The following SPOCK1 variants were observed in gnomAD, a reference collection of about 807,000 sequenced individuals.
The protein encoded by SPOCK1 is testican-1.
SPOCK1 carries 23 observed loss-of-function variants against 55.3 expected under a neutral mutation model. The observed-to-expected ratio is 0.42, with a 90% CI of 0.30 to 0.59. The LOEUF is 0.59. SPOCK1 is among the 20% of genes least tolerant of loss of function. The probability of loss-of-function intolerance (pLI) is 0.22; values close to 1 mark genes in which losing one functional copy is unlikely to be tolerated. For missense variants in SPOCK1, 499 were observed against 552.5 expected (o/e 0.90, Z 0.97); for synonymous variants, 226 against 221.0 (o/e 1.02, Z -0.20).
chr5:137,303,155 A>C (rs544498726), intron 2 of SPOCK1, among the ~76,000 whole-genome samples: 1 of 152,274 alleles, frequency 6.6e-6, no homozygotes, highest in African/African-American at 2.4e-5. Context: ...TATTGTACAA[A>C]GAGGCAAGCA....
intron 3 of SPOCK1, among the ~76,000 whole-genome samples, chr5:137,180,889 G>A (rs1246485444): frequency 1.3e-5 from 2 of 152,166 alleles, no homozygotes; most frequent in Admixed American, 6.5e-5. Flanking sequence ...AAAATGAAAT[G>A]ATGGGTGATA....
chr5:137,230,969 C>T (rs1402176411), intron 3 of SPOCK1, among the ~76,000 whole-genome samples: 1 of 152,070 alleles, frequency 6.6e-6, no homozygotes, highest in African/African-American at 2.4e-5. Flanking sequence ...AATTCCATCA[C>T]ATGTATACCT....
At chr5:137,153,878 AAAG>A (rs746685262) in intron 3 of SPOCK1, among the ~76,000 whole-genome samples, 119 of 152,058 alleles carry the variant, frequency 7.8e-4, no homozygotes, top group Admixed American at 1.9e-3. Context: ...AAAAACAAAA[AAAG>A]AAGAAGAAGA....
Position 137,160,542 on chromosome 5 carries a change from TATATATA to T in SPOCK1, c.233-19855_233-19849del, listed in dbSNP as rs1561631556. On this transcript the variant is annotated intron_variant, in intron 3 of 10. Coordinates refer to ENST00000394945, the MANE Select transcript of SPOCK1 (RefSeq NM_004598.4). ...ATATATAATATATAAAAATATATAATATATATAATATATATTATATATTATATATTAT... is the reference window on the plus strand; with the variant it reads ...ATATATAATATATAAAAATATATAATATATATATTATATATTATATATTAT... 1.9e-4 allele frequency among the ~76,000 whole-genome samples: 10 copies of T among 51,372 alleles called. No homozygotes were observed. The South Asian group carries it at 3.6e-3, about 18-fold the overall frequency. The allele number at this position is 51,372 out of a possible 152,430, so 33.7% of individuals were successfully genotyped here. A position where few individuals can be genotyped will look rare whatever the true frequency, so the allele number is the denominator to read the frequency against.
At chr5:137,474,264 G>A (rs916007245) in intron 2 of SPOCK1, among the ~76,000 whole-genome samples, 1 of 152,058 alleles carries the variant, frequency 6.6e-6, no homozygotes, top group African/African-American at 2.4e-5. Flanking sequence ...TTTGAACTTT[G>A]GTAGGTTTGT....
At chr5:137,019,584 T>C (rs1023527716) in intron 6 of SPOCK1, among the ~76,000 whole-genome samples, 2 of 152,130 alleles carry the variant, frequency 1.3e-5, no homozygotes, top group Non-Finnish European at 2.9e-5. Flanking sequence ...AACATCATCG[T>C]TGTGCCTCAA....
chr5:137,293,285 G>A (rs1757410058), intron 2 of SPOCK1, among the ~76,000 whole-genome samples: 1 of 152,044 alleles, frequency 6.6e-6, no homozygotes, highest in Non-Finnish European at 1.5e-5. Context: ...AGTTCACAGA[G>A]CCCAACAAAT....
chr5:137,340,608 C>A (rs1381479734), intron 2 of SPOCK1, among the ~76,000 whole-genome samples: 1 of 152,132 alleles, frequency 6.6e-6, no homozygotes, highest in African/African-American at 2.4e-5. Flanking sequence ...AAGCTAGGCA[C>A]GGTGGCTCAC....
intron 5 of SPOCK1, among the ~76,000 whole-genome samples, chr5:137,070,958 G>GT (rs1441714958): frequency 1.3e-5 from 2 of 150,310 alleles, no homozygotes; most frequent in Non-Finnish European, 3.0e-5. Flanking sequence ...GCACAGATCT[G>GT]TTTTTTTACC....
At chr5:137,068,083 T>C (rs1304004530) in intron 5 of SPOCK1, among the ~76,000 whole-genome samples, 1 of 152,212 alleles carries the variant, frequency 6.6e-6, no homozygotes, top group Non-Finnish European at 1.5e-5. Context: ...TAAACCCTAC[T>C]GTCACTATTT....
chr5:137,375,642 G>T (rs1751295301), intron 2 of SPOCK1, among the ~76,000 whole-genome samples: 1 of 152,144 alleles, frequency 6.6e-6, no homozygotes. Context: ...TTTAATCCAG[G>T]ATTCTACTGT....
chr5:137,276,991 T>C (rs577649459), intron 2 of SPOCK1, among the ~76,000 whole-genome samples: 6 of 152,236 alleles, frequency 3.9e-5, no homozygotes, highest in Non-Finnish European at 7.4e-5. Flanking sequence ...GTAATATTAA[T>C]AGTAATCATC....
chr5:137,264,442 C>T (rs1376443074), intron 3 of SPOCK1, among the ~76,000 whole-genome samples: 1 of 150,030 alleles, frequency 6.7e-6, no homozygotes, highest in Non-Finnish European at 1.5e-5. Flanking sequence ...CTATGCTGGG[C>T]CTTCCTTCCC....
At chr5:137,455,782 AC>A (rs1214530985) in intron 2 of SPOCK1, among the ~76,000 whole-genome samples, 1 of 152,052 alleles carries the variant, frequency 6.6e-6, no homozygotes, top group Non-Finnish European at 1.5e-5. Context: ...TAATCCCAGC[AC>A]TTTGAGAGGT....
At chr5:137,368,154 T>C (rs561685706) in intron 2 of SPOCK1, among the ~76,000 whole-genome samples, 5 of 152,288 alleles carry the variant, frequency 3.3e-5, no homozygotes, top group East Asian at 1.9e-4. Context: ...GTCACAAAGA[T>C]TGTGGTCAGC....
intron 2 of SPOCK1, among the ~76,000 whole-genome samples, chr5:137,435,010 A>G (rs2149830216): frequency 6.6e-6 from 1 of 152,346 alleles, no homozygotes; most frequent in East Asian, 1.9e-4. Context: ...CTAACCACAT[A>G]TGATCACAAT....
chr5:136,992,279 G>A (rs72792561), intron 7 of SPOCK1, among the ~76,000 whole-genome samples: 70 of 152,088 alleles, frequency 4.6e-4, no homozygotes, highest in Non-Finnish European at 8.5e-4. Flanking sequence ...GCATGCTTAC[G>A]GTCATTAAAA....
At chr5:137,064,773 T>A (rs1266234337) in intron 6 of SPOCK1, among the ~76,000 whole-genome samples, 1 of 152,180 alleles carries the variant, frequency 6.6e-6, no homozygotes, top group Non-Finnish European at 1.5e-5. Context: ...GAAAGAGGTG[T>A]CAAATCAAAG....
At chr5:137,131,907 G>C (rs1753886768) in intron 4 of SPOCK1, among the ~76,000 whole-genome samples, 1 of 136,946 alleles carries the variant, frequency 7.3e-6, no homozygotes, top group African/African-American at 2.8e-5. Flanking sequence ...GGGAGGCGGA[G>C]CTTGCAGTGA....
Sources: allele counts gnomAD v4.1 joint callset (sites outside exome capture counted in the v4.1 genomes callset), GRCh38; gene constraint gnomAD v4.1.1; transcripts MANE v1.5; gene names NCBI Gene and HGNC (gene_info 2026-07-23, HGNC 2026-07-21).